The following SPICE1 variants were observed in gnomAD, a reference collection of about 807,000 sequenced individuals.
SPICE1 encodes spindle and centriole associated protein 1, also known as spindle and centriole-associated protein 1.
SPICE1 carries 75 observed loss-of-function variants against 102.7 expected under a neutral mutation model. The observed-to-expected ratio is 0.73, with a 90% CI of 0.61 to 0.88. SPICE1 has a LOEUF of 0.88. SPICE1 is among the 40% of genes least tolerant of loss of function. The pLI, the probability that SPICE1 is intolerant of heterozygous loss-of-function variation, is 0.00. For synonymous variants in SPICE1, 308 were observed against 350.3 expected (o/e 0.88, Z 1.35); for missense variants, 979 against 1,020.1 (o/e 0.96, Z 0.55).
chr3:113,472,972 A>G (rs1936243861), intron 7 of SPICE1, among the ~76,000 whole-genome samples: 1 of 152,222 alleles, frequency 6.6e-6, no homozygotes, highest in Non-Finnish European at 1.5e-5. Flanking sequence ...AAGGCTTCAG[A>G]CGATCAAACT....
intron 11 of SPICE1, 46 bp from the exon 12 acceptor site, chr3:113,460,810 T>C: frequency 6.5e-7 from 1 of 1,527,966 alleles, no homozygotes; most frequent in South Asian, 1.3e-5. Context: ...ATATCAAACA[T>C]CAAACCACCA....
Position 113,506,950 on chromosome 3 carries a change from C to T in SPICE1, c.1-345G>A, listed in dbSNP as rs1425621897. 2.0e-5 allele frequency among the ~76,000 whole-genome samples: 3 copies of T among 152,078 alleles called. No individual in the cohort carries two copies. The East Asian group carries it at 5.8e-4, about 29-fold the overall frequency. ...CAAATTTACAATTAGTAGAAAATAG[C>T]CCAGTCACAAGCTAACAATATGAAT... On this transcript the variant is annotated intron_variant, in intron 1 of 17. Coordinates refer to ENST00000295872, the MANE Select transcript of SPICE1 (RefSeq NM_144718.4).
At chr3:113,459,831 G>A (rs1001294267) in intron 12 of SPICE1, 17 of 963,350 alleles carry the variant, frequency 1.8e-5, no homozygotes, top group Admixed American at 6.2e-5. Context: ...GCAGTAAGCC[G>A]AGAGGGCGCC....
intron 7 of SPICE1, among the ~76,000 whole-genome samples, chr3:113,487,264 T>C (rs888469035): frequency 1.3e-5 from 2 of 152,154 alleles, no homozygotes; most frequent in East Asian, 1.9e-4. Flanking sequence ...GGAGACATGC[T>C]GCTCAGTGTT....
chr3:113,502,138 G>A (rs1937019834), intron 3 of SPICE1, among the ~76,000 whole-genome samples: 1 of 152,172 alleles, frequency 6.6e-6, no homozygotes. Context: ...CACTTTGGGA[G>A]GCTGAGGTGG....
intron 7 of SPICE1, among the ~76,000 whole-genome samples, chr3:113,483,705 C>A (rs1335609944): frequency 6.6e-6 from 1 of 152,180 alleles, no homozygotes. Context: ...GCTGAACCAG[C>A]CTTGCATCCC....
chr3:113,488,601 G>T (rs561447173), intron 7 of SPICE1, among the ~76,000 whole-genome samples: 2 of 152,184 alleles, frequency 1.3e-5, no homozygotes, highest in East Asian at 3.8e-4. Flanking sequence ...GACTCAGAAG[G>T]GGGAGGGCGG....
In SPICE1 at chr3:113,511,604, T is replaced by C. The variant is rs573075495; in HGVS notation, c.-1+3293A>G. 4.6e-5 allele frequency among the ~76,000 whole-genome samples: 7 copies of C among 152,160 alleles called. 1 individual carries two copies. In the East Asian group the frequency reaches 1.4e-3, roughly 29 times the overall value. On this transcript the variant is annotated intron_variant, in intron 1 of 17. Transcript: ENST00000295872. Reference sequence around the variant, plus strand: ...GAGGGGAGCAACACACACTGGGGCCTGTCAGATGGCAGGGGGATGCAGGGA... The same window carrying C: ...GAGGGGAGCAACACACACTGGGGCCCGTCAGATGGCAGGGGGATGCAGGGA...
intron 7 of SPICE1, among the ~76,000 whole-genome samples, chr3:113,476,310 C>T (rs553709151): frequency 6.6e-6 from 1 of 151,444 alleles, no homozygotes; most frequent in South Asian, 2.1e-4. Flanking sequence ...GAAGAACATT[C>T]CATGCTCATG....
At chr3:113,480,407 C>CA (rs1240485412) in intron 7 of SPICE1, among the ~76,000 whole-genome samples, 1 of 151,812 alleles carries the variant, frequency 6.6e-6, no homozygotes, top group Non-Finnish European at 1.5e-5. Context: ...GCTGCAGACA[C>CA]AAAAAAACTA....
chr3:113,472,070 T>C (rs369454239), intron 7 of SPICE1, among the ~76,000 whole-genome samples: 1 of 152,112 alleles, frequency 6.6e-6, no homozygotes, highest in South Asian at 2.1e-4. Context: ...ACCTGGAAAA[T>C]TGGGTCATGC....
Position 113,494,054 on chromosome 3 carries a change from C to T in SPICE1, c.380G>A (p.Arg127His), listed in dbSNP as rs755208230. 1.6e-5 allele frequency: 26 copies of T among 1,605,974 alleles called. No individual in the cohort carries two copies. The highest frequency in any genetic ancestry group is 6.7e-5 in the African/African-American group (5 of 74,570). ...AAAKELFPRR[R>H]TGFPNVTVAP... is the part of the protein sequence containing the mutation. ...CTTTTGTTTGAATTGAATACCTGTG[C>T]GCCTACGAGGAAACAGCTCTTTTGC... Residue 127 changes from arginine to histidine, a missense_variant, in exon 5 of 18, where the codon CGC (arginine) becomes CAC (histidine). Transcript: ENST00000295872.
chr3:113,466,049 G>A (rs1936048413), intron 10 of SPICE1, among the ~76,000 whole-genome samples: 1 of 152,084 alleles, frequency 6.6e-6, no homozygotes. Flanking sequence ...AAAGTAGAGG[G>A]ATATACATAT....
Position 113,450,518 on chromosome 3 carries a change from T to C in SPICE1, c.2143-2A>G. 6.4e-7 allele frequency: 1 copy of C among 1,568,016 alleles called. No homozygotes were observed. Among genetic ancestry groups the C allele is most frequent in the Non-Finnish European group, 8.6e-7 (1 of 1,161,650 alleles). On this transcript the variant is annotated splice_acceptor_variant, in intron 14 of 17. Coordinates refer to ENST00000295872, the MANE Select transcript of SPICE1 (RefSeq NM_144718.4). LOFTEE classifies it high-confidence loss of function. ...TAGAGACTGTGCTACTGGAAAAGTC[T>C]TTGGGAGAAAAAAAAAAAAAGTACA...
At chr3:113,514,365 C>A in intron 1 of SPICE1, 1 of 288,454 alleles carries the variant, frequency 3.5e-6, no homozygotes, top group South Asian at 3.0e-5. Context: ...TTGAATCAAT[C>A]CTACCTAAAT....
chr3:113,459,289 C>G (rs1935867728), intron 12 of SPICE1, among the ~76,000 whole-genome samples: 1 of 152,126 alleles, frequency 6.6e-6, no homozygotes, highest in Non-Finnish European at 1.5e-5. Flanking sequence ...CGGAAGGAGG[C>G]AAGGCCCTCT....
chr3:113,470,367 ATG>A (rs748661538), intron 7 of SPICE1, among the ~76,000 whole-genome samples: 1 of 152,234 alleles, frequency 6.6e-6, no homozygotes, highest in Non-Finnish European at 1.5e-5. Flanking sequence ...GAGATAAAGC[ATG>A]TGATTCATGG....
intron 7 of SPICE1, among the ~76,000 whole-genome samples, chr3:113,477,550 C>G (rs796416261): frequency 0.05 from 7,389 of 148,524 alleles, 264 homozygotes; most frequent in African/African-American, 0.094. Flanking sequence ...TGTCCAACAA[C>G]GATAGACTGG....
At chr3:113,473,330 A>G (rs1020554629) in intron 7 of SPICE1, among the ~76,000 whole-genome samples, 249 of 152,244 alleles carry the variant, frequency 1.6e-3, no homozygotes, top group Non-Finnish European at 3.2e-3. Context: ...TGAAAGTGAC[A>G]GGGAGAATGG....
Sources: allele counts gnomAD v4.1 joint callset (sites outside exome capture counted in the v4.1 genomes callset), GRCh38; gene constraint gnomAD v4.1.1; transcripts MANE v1.5; gene names NCBI Gene and HGNC (gene_info 2026-07-23, HGNC 2026-07-21).